TFEB: variants seen among roughly 807,000 people sequenced by gnomAD.
TFEB encodes transcription factor EB, also known as T-cell transcription factor EB.
In TFEB, 12 loss-of-function variants were observed where a neutral mutation model predicts 48.0. The ratio of observed to expected loss-of-function variants is 0.25; its 90% confidence interval spans 0.16 to 0.40. TFEB has a LOEUF of 0.40. Among genes scored for constraint, TFEB ranks in the 10% least tolerant of loss-of-function variants. The pLI, the probability that TFEB is intolerant of heterozygous loss-of-function variation, is 1.00. For missense variants in TFEB, 509 were observed against 640.3 expected (o/e 0.79, Z 2.21); for synonymous variants, 244 against 261.4 (o/e 0.93, Z 0.64).
Position 41,724,063 on chromosome 6 carries a change from C to A in TFEB, c.-23+11287G>T. 1 of 391,082 alleles carries A rather than the reference C, an allele frequency of 2.6e-6. No homozygotes were observed. The highest frequency in any genetic ancestry group is 3.1e-5 in the Admixed American group (1 of 31,888). The allele number at this position is 391,082 out of a possible 1,614,324, so 24.2% of individuals were successfully genotyped here. A position where few individuals can be genotyped will look rare whatever the true frequency, so the allele number is the denominator to read the frequency against. ...ACCCAGGTCGAGGCCGTACTACAGCCCACCTTGAAATGGAGCCTGAGATCA... is the reference window on the plus strand; with the variant it reads ...ACCCAGGTCGAGGCCGTACTACAGCACACCTTGAAATGGAGCCTGAGATCA... On this transcript the variant is annotated intron_variant, in intron 1 of 8. Coordinates refer to ENST00000373033, the MANE Select transcript of TFEB (RefSeq NM_001271944.2). The surrounding 1 kb of genome is among the most constrained non-coding windows in gnomAD (Gnocchi z 4.4).
At position 41,690,728 on chromosome 6, in the gene TFEB, C is replaced by A. The variant is rs747374333; in HGVS notation, c.403G>T (p.Ala135Ser). The A allele has an allele frequency of 1.9e-6, 3 of 1,589,156 alleles. No homozygotes were observed. Among genetic ancestry groups the A allele is most frequent in the East Asian group, 2.3e-5 (1 of 44,408 alleles). Residue 135 changes from alanine to serine, a missense_variant, in exon 3 of 9, where the codon GCT becomes TCT. By Grantham distance (99) the Ala-to-Ser change is moderately conservative. Coordinates refer to ENST00000373033, the MANE Select transcript of TFEB (RefSeq NM_001271944.2). ...GGGCTATTGGGAGCACTGTTGCCAG[C>A]GGAGGAGGACAGCACGTGTCCAGCT... The part of the protein sequence containing the change: ...VRAGHVLSSS[A>S]GNSAPNSPMA...
In TFEB at chr6:41,687,447, A is replaced by G. The variant is rs77950775; in HGVS notation, c.728-278T>C. ...GCCTGGGGTAGGACTCTTCCCTGCT[A>G]CACAGAACTCTGATGCCCCAGGTTC... On this transcript the variant is annotated intron_variant, in intron 6 of 8. Coordinates refer to ENST00000373033, the MANE Select transcript of TFEB (RefSeq NM_001271944.2). Among the ~76,000 whole-genome samples the G allele has an allele frequency of 7.0e-4, 107 of 152,324 alleles. No homozygotes were observed. The East Asian group carries it at 0.017, about 24-fold the overall frequency.
In TFEB at chr6:41,690,753, T is replaced by C. The variant is rs1288846879; in HGVS notation, c.378A>G (p.Arg126=). The change falls in exon 3 of 9, where the codon CGA becomes CGG. Residue 126 remains arginine (R), a synonymous_variant. Transcript: ENST00000373033. ...KPPPAASPGV[R]AGHVLSSSAG... is the part of the protein sequence containing the mutation. ...CGGAGGAGGACAGCACGTGTCCAGCTCGCACCCCTGGGGAGGCGGCTGGTG... is the reference window on the plus strand; with the variant it reads ...CGGAGGAGGACAGCACGTGTCCAGCCCGCACCCCTGGGGAGGCGGCTGGTG... The C allele has an allele frequency of 6.2e-7, 1 of 1,606,816 alleles. No homozygotes were observed. The highest frequency in any genetic ancestry group is 8.5e-7 in the Non-Finnish European group (1 of 1,175,558).
In TFEB at chr6:41,689,884, C is replaced by T. The variant is rs189018881; in HGVS notation, c.469-73G>A. The T allele has an allele frequency of 1.9e-4, 233 of 1,243,938 alleles. No homozygotes were observed. The African/African-American group carries it at 3.0e-3, about 16-fold the overall frequency. The allele number at this position is 1,243,938 out of a possible 1,614,324, so 77.1% of individuals were successfully genotyped here. ...CAGGGGAAAGAGGCATTGGGACAAC[C>T]ACTGACCTGGAGGGACCTTGGAGCC... is the stretch of plus-strand genomic sequence containing the variant. On this transcript the variant is annotated intron_variant, in intron 3 of 8. Transcript: ENST00000373033.
intron 1 of TFEB, among the ~76,000 whole-genome samples, chr6:41,718,842 C>T (rs370947214): frequency 1.2e-3 from 180 of 152,248 alleles, no homozygotes; most frequent in African/African-American, 4.1e-3. Flanking sequence ...AAACACAATC[C>T]GTTGGGACCT....
intron 1 of TFEB, chr6:41,732,903 C>T (rs1375826208): frequency 2.0e-6 from 2 of 985,514 alleles, no homozygotes; most frequent in African/African-American, 3.5e-5. Context: ...CCCTCCATCC[C>T]CAGGACAAAG....
intron 1 of TFEB, among the ~76,000 whole-genome samples, chr6:41,722,248 G>A (rs1183763708): frequency 6.6e-6 from 1 of 152,182 alleles, no homozygotes; most frequent in African/African-American, 2.4e-5. Flanking sequence ...CCAAAGTGCT[G>A]GGATTACAGG....
At chr6:41,727,261 G>A (rs1771252158) in intron 1 of TFEB, among the ~76,000 whole-genome samples, 1 of 152,186 alleles carries the variant, frequency 6.6e-6, no homozygotes, top group African/African-American at 2.4e-5. Context: ...ATCAAAAGAA[G>A]GAAGGTGGCA....
intron 1 of TFEB, among the ~76,000 whole-genome samples, chr6:41,696,788 A>G (rs1182697736): frequency 6.6e-6 from 1 of 152,224 alleles, no homozygotes; most frequent in Non-Finnish European, 1.5e-5. Context: ...GTTGTTACAC[A>G]TGACATAGAT....
chr6:41,714,151 ATGTGCATGCG>A (rs997433740), intron 1 of TFEB, among the ~76,000 whole-genome samples: 2 of 142,800 alleles, frequency 1.4e-5, no homozygotes, highest in Non-Finnish European at 3.0e-5. Flanking sequence ...GTGTGTGTGC[ATGTGCATGCG>A]TGTGCATGTG....
At chr6:41,736,029 T>C (rs1771663443), upstream of TFEB, 7 of 1,353,452 alleles carry the variant, frequency 5.2e-6, no homozygotes, top group East Asian at 1.4e-4. Flanking sequence ...TGCACTTTTA[T>C]CCCTGCCCCG....
rs943987815 is a variant in TFEB, at chr6:41,723,791, G to T, written c.-23+11559C>A. On this transcript the variant is annotated intron_variant, in intron 1 of 8. Coordinates refer to ENST00000373033, the MANE Select transcript of TFEB (RefSeq NM_001271944.2). This position sits in a 1 kb window ranked among gnomAD's most constrained non-coding sequence, Gnocchi z 6.0. ...ACAGCGCTCCTTGGTCCTCCCACAG[G>T]AGGCCTCTCATGGCCGCCCTGACCC... 1.6e-5 allele frequency: 6 copies of T among 380,876 alleles called. No homozygotes were observed. Among genetic ancestry groups the T allele is most frequent in the Non-Finnish European group, 2.6e-5 (5 of 191,574 alleles). The allele number at this position is 380,876 out of a possible 1,614,324, so 23.6% of individuals were successfully genotyped here.
intron 1 of TFEB, among the ~76,000 whole-genome samples, chr6:41,727,641 A>G (rs144383421): frequency 8.5e-5 from 13 of 152,266 alleles, no homozygotes; most frequent in African/African-American, 2.9e-4. Flanking sequence ...ATAGTGAGCC[A>G]TGATTGTGCC....
rs1770913557 is a variant in TFEB, at chr6:41,720,078, GA to G, written c.-23+15271del. 6.6e-6 allele frequency among the ~76,000 whole-genome samples: 1 copy of G among 152,216 alleles called. No individual in the cohort carries two copies. The highest frequency in any genetic ancestry group is 2.4e-5 in the African/African-American group (1 of 41,450). Reference sequence around the variant, plus strand: ...CATTCTACTGTGGGAGCTCATGCCTGAGCCTCTGGGCTCTGTGCTCAGTGGG... The same window carrying G: ...CATTCTACTGTGGGAGCTCATGCCTGGCCTCTGGGCTCTGTGCTCAGTGGG... On this transcript the variant is annotated intron_variant, in intron 1 of 8. Transcript: ENST00000373033. This position sits in a 1 kb window ranked among gnomAD's most constrained non-coding sequence, Gnocchi z 4.1.
chr6:41,733,928 A>G (rs1446958370), intron 1 of TFEB: 5 of 976,676 alleles, frequency 5.1e-6, no homozygotes, highest in East Asian at 2.3e-4. Flanking sequence ...GTCTGGGCCA[A>G]TGGAATCTCG....
chr6:41,726,633 G>T lies in TFEB; in HGVS notation c.-23+8717C>A, dbSNP rs566083330. 3.9e-5 allele frequency among the ~76,000 whole-genome samples: 6 copies of T among 152,250 alleles called. No individual in the cohort carries two copies. The South Asian group carries it at 1.2e-3, about 32-fold the overall frequency. ...TTTTTGTATTTTTAGTAGAGATGGG[G>T]TTTCACCATGTTGGCCAGGCTGGTC... is the stretch of plus-strand genomic sequence containing the variant. On this transcript the variant is annotated intron_variant, in intron 1 of 8. Transcript: ENST00000373033.
chr6:41,686,035 C>T, intron 8 of TFEB, 55 bp downstream of exon 8: 2 of 1,610,064 alleles, frequency 1.2e-6, no homozygotes, highest in Non-Finnish European at 1.7e-6. Context: ...CCCTTAGGGC[C>T]AGGAGCCAGG....
At position 41,708,644 on chromosome 6, in the gene TFEB, C is replaced by T. The variant is rs143926432; in HGVS notation, c.-22-17409G>A. Among the ~76,000 whole-genome samples the T allele has an allele frequency of 6.6e-3, 1,001 of 152,350 alleles. 9 individuals are homozygous for T. The highest frequency in any genetic ancestry group is 0.022 in the African/African-American group (900 of 41,580). ...AATCCTACTCTACCACTGGTGCTCC[C>T]TGGGGGAGCCTCCCAAATAAACTGT... is the stretch of plus-strand genomic sequence containing the variant. On this transcript the variant is annotated intron_variant, in intron 1 of 8. Transcript: ENST00000373033.
At chr6:41,695,268 C>G (rs1769518254) in intron 1 of TFEB, among the ~76,000 whole-genome samples, 1 of 152,186 alleles carries the variant, frequency 6.6e-6, no homozygotes, top group African/African-American at 2.4e-5. Flanking sequence ...CTGGTCAGGC[C>G]AGAGCTGGTT....
Sources: allele counts gnomAD v4.1 joint callset (sites outside exome capture counted in the v4.1 genomes callset), GRCh38; gene constraint gnomAD v4.1.1; non-coding constraint Gnocchi (gnomAD v3.1); transcripts MANE v1.5; gene names NCBI Gene and HGNC (gene_info 2026-07-23, HGNC 2026-07-21).